DYSF: variants seen among roughly 807,000 people sequenced by gnomAD.
DYSF encodes dystrophy-associated fer-1-like 1.
Under a neutral mutation model 274.9 loss-of-function variants are expected in DYSF, and 212 were observed. That is an observed-to-expected ratio of 0.77 (90% confidence interval 0.69 to 0.86). The LOEUF (loss-of-function observed/expected upper bound fraction) is 0.86, where lower values mean the gene tolerates loss of function less well. Ranked by LOEUF, DYSF falls within the 40% of genes least tolerant of loss-of-function variation. The probability of loss-of-function intolerance (pLI) is 0.00; values close to 1 mark genes in which losing one functional copy is unlikely to be tolerated. For missense variants in DYSF, 2,666 were observed against 2,783.2 expected, an observed-to-expected ratio of 0.96 and a Z score of 0.95; for synonymous variants, 1,091 against 1,078.7, an observed-to-expected ratio of 1.01 and a Z score of -0.22.
At chr2:71,663,726 C>G (rs2094943429) in intron 45 of DYSF, among the ~76,000 whole-genome samples, 1 of 152,216 alleles carries the variant, frequency 6.6e-6, no homozygotes, top group African/African-American at 2.4e-5. Context: ...CAAATTCTCC[C>G]TCCATCCCAT....
chr2:71,645,676 C>T (rs1296393599), intron 42 of DYSF, among the ~76,000 whole-genome samples: 1 of 151,886 alleles, frequency 6.6e-6, no homozygotes, highest in Non-Finnish European at 1.5e-5. Context: ...GAAGCCCTCG[C>T]CAGGGACACC....
At chr2:71,483,372 G>A (rs1024966297) in intron 3 of DYSF, among the ~76,000 whole-genome samples, 1 of 152,202 alleles carries the variant, frequency 6.6e-6, no homozygotes, top group African/African-American at 2.4e-5. Context: ...ATCAGGGAGG[G>A]AGCAGCCCTG....
At chr2:71,570,540 GT>G (rs1228805775) in intron 28 of DYSF, 58 bp from the exon 29 acceptor site, 2 of 1,601,886 alleles carry the variant, frequency 1.2e-6, no homozygotes, top group Non-Finnish European at 1.7e-6. Flanking sequence ...TTCAGAGATG[GT>G]CCCAGGAGAG....
At chr2:71,543,469 C>T (rs1454282563) in intron 17 of DYSF, among the ~76,000 whole-genome samples, 4 of 152,152 alleles carry the variant, frequency 2.6e-5, no homozygotes, top group Non-Finnish European at 4.4e-5. Context: ...GGCGGCCGGG[C>T]AGAGGCTGCG....
chr2:71,560,741 A>T (rs2091689160), intron 22 of DYSF, among the ~76,000 whole-genome samples: 1 of 152,172 alleles, frequency 6.6e-6, no homozygotes, highest in South Asian at 2.1e-4. Flanking sequence ...CAGAAAAATA[A>T]ATCAGCCGGG....
Position 71,574,920 on chromosome 2 carries a change from G to A in DYSF, c.3402+549G>A, listed in dbSNP as rs967081057. ...CAAGGTTCTCCAGGGCCGGGGTGAC[G>A]GGCTCCCCAAAAGAGACGAGCAGGT... On this transcript the variant is annotated intron_variant, in intron 30 of 55. Transcript: ENST00000410020. Among the ~76,000 whole-genome samples, 4 of 152,146 alleles carry A rather than the reference G, an allele frequency of 2.6e-5. No individual in the cohort carries two copies. The East Asian group carries it at 5.8e-4, about 22-fold the overall frequency.
rs536703008 is a variant in DYSF at position 71,679,111 on chromosome 2, A to C, written c.5939A>C (p.Lys1980Thr). Reference protein sequence around the residue: ...RMPKPAKTAKKCSLDQLDDAF... With the variant: ...RMPKPAKTAKTCSLDQLDDAF... ...CCCAAGCCAGCCAAGACAGCCAAGA[A>C]GTGCTCCTTGGACCAGCTGGATGAT... Residue 1980 changes from lysine (K) to threonine (T), a missense_variant, in exon 53 of 56, where the codon AAG (lysine) becomes ACG (threonine). Transcript: ENST00000410020. 2.4e-5 allele frequency: 39 copies of C among 1,614,042 alleles called. No individual in the cohort carries two copies. The highest frequency in any genetic ancestry group is 3.1e-5 in the Non-Finnish European group (36 of 1,179,952).
Position 71,574,204 on chromosome 2 carries a change from C to CAGGCGGAGGCGG in DYSF, c.3239_3250dup (p.Ala1080_Glu1083dup), listed in dbSNP as rs398123779. The CAGGCGGAGGCGG allele has an allele frequency of 3.7e-6, 6 of 1,613,328 alleles. No individual in the cohort carries two copies. The highest frequency in any genetic ancestry group is 4.2e-6 in the Non-Finnish European group (5 of 1,179,946). ...TGCCCCTTCTCTTGTGCAGCACAGGCAGGCGGAGGCGGAGGGCGAGGGCTG... is the reference window on the plus strand; with the variant it reads ...TGCCCCTTCTCTTGTGCAGCACAGGCAGGCGGAGGCGGAGGCGGAGGCGGAGGGCGAGGGCTG... On this transcript the variant is annotated inframe_insertion, in exon 30 of 56. Coordinates refer to ENST00000410020, the MANE Select transcript of DYSF (RefSeq NM_001130987.2).
At chr2:71,500,974 T>C (rs377035009) in intron 3 of DYSF, among the ~76,000 whole-genome samples, 29 of 152,262 alleles carry the variant, frequency 1.9e-4, no homozygotes, top group African/African-American at 6.3e-4. Flanking sequence ...ATGCATCCTC[T>C]ATACCTACTG....
chr2:71,557,088 A>G (rs1041961941), intron 22 of DYSF, among the ~76,000 whole-genome samples: 2 of 152,108 alleles, frequency 1.3e-5, no homozygotes, highest in Admixed American at 1.3e-4. Context: ...ATTTCCCCCA[A>G]CCTTCCTGAA....
intron 8 of DYSF, 40 bp from the exon 9 acceptor site, chr2:71,516,140 A>C: frequency 6.3e-7 from 1 of 1,596,718 alleles, no homozygotes; most frequent in East Asian, 2.2e-5. Flanking sequence ...CTGAGGGATC[A>C]GCAGGCACTG....
Position 71,663,520 on chromosome 2 carries a change from A to C in DYSF, c.5004-748A>C, listed in dbSNP as rs549076236. 3.2e-4 allele frequency among the ~76,000 whole-genome samples: 49 copies of C among 152,174 alleles called. No individual in the cohort carries two copies. The East Asian group carries it at 8.7e-3, about 27-fold the overall frequency. ...ATGGGCCAGAGTGCAGCTCCTCCCAAATGTGGCCCCTGCCCTCCTTCTCCA... is the reference window on the plus strand; with the variant it reads ...ATGGGCCAGAGTGCAGCTCCTCCCACATGTGGCCCCTGCCCTCCTTCTCCA... On this transcript the variant is annotated intron_variant, in intron 45 of 55. Coordinates refer to ENST00000410020, the MANE Select transcript of DYSF (RefSeq NM_001130987.2).
At chr2:71,535,198 T>C in intron 15 of DYSF, 70 bp from the exon 16 acceptor site, 1 of 1,598,710 alleles carries the variant, frequency 6.3e-7, no homozygotes, top group Non-Finnish European at 8.6e-7. Flanking sequence ...AGACTTCAGC[T>C]CGGGGTAGGG....
At chr2:71,676,184 A>G (rs1333372213) in intron 52 of DYSF, among the ~76,000 whole-genome samples, 3 of 152,148 alleles carry the variant, frequency 2.0e-5, no homozygotes, top group Non-Finnish European at 4.4e-5. Context: ...TGAGAAGTAG[A>G]TATGTCTTTG....
At chr2:71,570,847 C>T in intron 29 of DYSF, 106 bp downstream of exon 29, 2 of 1,481,972 alleles carry the variant, frequency 1.3e-6, no homozygotes, top group Non-Finnish European at 1.8e-6. Flanking sequence ...GTGCACACAG[C>T]ATGCACAGAC....
chr2:71,555,843 T>C, intron 21 of DYSF, 122 bp from the exon 22 acceptor site: 6 of 802,828 alleles, frequency 7.5e-6, no homozygotes, highest in Admixed American at 2.0e-5. Context: ...GACTCTGCCT[T>C]CTTTGCTCTA....
chr2:71,578,747 C>T (rs2092793591), intron 30 of DYSF, among the ~76,000 whole-genome samples: 1 of 152,132 alleles, frequency 6.6e-6, no homozygotes, highest in African/African-American at 2.4e-5. Flanking sequence ...CCTGACCCAA[C>T]ACGTCCACCA....
In DYSF at chr2:71,652,782, G is replaced by GA. The variant is rs111487234; in HGVS notation, c.4627-3374dup. Among the ~76,000 whole-genome samples, 56 of 152,258 alleles carry GA rather than the reference G, an allele frequency of 3.7e-4. 1 individual carries two copies. Among genetic ancestry groups the GA allele is most frequent in the African/African-American group, 1.0e-3 (42 of 41,556 alleles). On this transcript the variant is annotated intron_variant, in intron 42 of 55. Coordinates refer to ENST00000410020, the MANE Select transcript of DYSF (RefSeq NM_001130987.2). ...ACAGTGATTAAAACATGGTATTGGT[G>GA]AAAAAACGCACAGATCAATAGAGCA...
intron 41 of DYSF, among the ~76,000 whole-genome samples, chr2:71,639,282 T>C (rs1191851120): frequency 6.6e-6 from 1 of 152,232 alleles, no homozygotes; most frequent in Non-Finnish European, 1.5e-5. Context: ...GAGTTGTCTT[T>C]TCACTTTATT....
Sources: allele counts gnomAD v4.1 joint callset (sites outside exome capture counted in the v4.1 genomes callset), GRCh38; gene constraint gnomAD v4.1.1; transcripts MANE v1.5; gene names NCBI Gene and HGNC (gene_info 2026-07-23, HGNC 2026-07-21).